The following CEP350 variants were observed in gnomAD, a reference collection of about 807,000 sequenced individuals.
CEP350 encodes the protein centrosome-associated protein 350.
In CEP350, 126 loss-of-function variants were observed where a neutral mutation model predicts 331.8. That is an observed-to-expected ratio of 0.38 (90% CI 0.33 to 0.44). The LOEUF (loss-of-function observed/expected upper bound fraction) is 0.44, where lower values mean the gene tolerates loss of function less well. CEP350 is among the 20% of genes least tolerant of loss of function. The pLI is 1.00. For synonymous variants in CEP350, 1,200 were observed against 1,259.5 expected (o/e 0.95, Z 1.00); for missense variants, 3,406 against 3,634.6 (o/e 0.94, Z 1.62).
At chr1:179,991,438 C>A (rs566798831) in intron 4 of CEP350, among the ~76,000 whole-genome samples, 2 of 149,806 alleles carry the variant, frequency 1.3e-5, no homozygotes, top group African/African-American at 4.9e-5. Flanking sequence ...TGAGTAGCCG[C>A]GCCACCGGGC....
At chr1:180,017,709 T>A (rs1333630644) in intron 11 of CEP350, among the ~76,000 whole-genome samples, 1 of 152,206 alleles carries the variant, frequency 6.6e-6, no homozygotes, top group Non-Finnish European at 1.5e-5. Context: ...AGTTTTAGCA[T>A]AACTTTATGT....
chr1:179,986,049 T>C (rs2148665113), intron 1 of CEP350, 120 bp from the exon 2 acceptor site: 1 of 736,034 alleles, frequency 1.4e-6, no homozygotes, highest in Non-Finnish European at 2.2e-6. Flanking sequence ...TGATAGTAGC[T>C]TGTCCTATTT....
chr1:179,975,683 A>G (rs545531439), intron 1 of CEP350, among the ~76,000 whole-genome samples: 2 of 152,346 alleles, frequency 1.3e-5, no homozygotes. Flanking sequence ...AATCCAATTT[A>G]TTAAGAGTAC....
intron 32 of CEP350, among the ~76,000 whole-genome samples, chr1:180,088,517 G>A (rs997750903): frequency 6.6e-6 from 1 of 151,828 alleles, no homozygotes; most frequent in African/African-American, 2.4e-5. Context: ...GCCAAATAGT[G>A]AAAACCTTGT....
At chr1:179,979,390 GTT>G (rs34642448) in intron 1 of CEP350, among the ~76,000 whole-genome samples, 6 of 129,558 alleles carry the variant, frequency 4.6e-5, no homozygotes, top group Admixed American at 7.7e-5. Context: ...TATTTGGGGT[GTT>G]TTTTTTTTTT....
chr1:180,080,104 T>C (rs1314692464), intron 29 of CEP350, among the ~76,000 whole-genome samples: 1 of 152,158 alleles, frequency 6.6e-6, no homozygotes, highest in African/African-American at 2.4e-5. Context: ...TTTTGTTCTC[T>C]TGTGGGCAAA....
chr1:179,967,570 T>G (rs1386674345), intron 1 of CEP350, among the ~76,000 whole-genome samples: 1 of 151,916 alleles, frequency 6.6e-6, no homozygotes, highest in Non-Finnish European at 1.5e-5. Flanking sequence ...CACCACCACG[T>G]CCAGCCAATT....
chr1:180,052,079 CT>C, intron 22 of CEP350: 5 of 318,410 alleles, frequency 1.6e-5, no homozygotes, highest in Non-Finnish European at 3.1e-5. Flanking sequence ...GTATGCGTAA[CT>C]ATGTGCACAC....
At chr1:180,014,851 A>G (rs1458557548) in intron 10 of CEP350, among the ~76,000 whole-genome samples, 2 of 152,234 alleles carry the variant, frequency 1.3e-5, no homozygotes, top group Non-Finnish European at 2.9e-5. Context: ...GAAAATCCAC[A>G]TATAACTTTT....
At chr1:180,049,017 A>G (rs1392117987) in intron 22 of CEP350, among the ~76,000 whole-genome samples, 1 of 152,196 alleles carries the variant, frequency 6.6e-6, no homozygotes, top group Non-Finnish European at 1.5e-5. Context: ...ACAGTGAGCT[A>G]TGATTGAGAC....
chr1:180,044,271 A>G (rs1656969428), intron 21 of CEP350, 98 bp downstream of exon 21: 2 of 1,250,386 alleles, frequency 1.6e-6, no homozygotes, highest in African/African-American at 1.5e-5. Context: ...GTTTATTTAA[A>G]TAGAACAGTG....
At chr1:180,082,274 C>T (rs1659618867) in intron 30 of CEP350, among the ~76,000 whole-genome samples, 1 of 152,154 alleles carries the variant, frequency 6.6e-6, no homozygotes, top group South Asian at 2.1e-4. Flanking sequence ...ACTACAGATT[C>T]ACTACCTATT....
At chr1:179,991,701 G>GTA (rs1181874261) in intron 4 of CEP350, among the ~76,000 whole-genome samples, 1 of 132,886 alleles carries the variant, frequency 7.5e-6, no homozygotes. Context: ...GTGTGTGTGT[G>GTA]TGTGTGTATA....
At chr1:180,027,136 A>T (rs1571887783) in intron 14 of CEP350, among the ~76,000 whole-genome samples, 2 of 152,198 alleles carry the variant, frequency 1.3e-5, no homozygotes, top group East Asian at 3.9e-4. Context: ...CTTTTTTGAT[A>T]ATAGGACATC....
At chr1:180,095,430 T>C (rs906057550) in intron 34 of CEP350, 93 bp from the exon 35 acceptor site, 106 of 1,343,552 alleles carry the variant, frequency 7.9e-5, no homozygotes, top group Non-Finnish European at 1.0e-4. Flanking sequence ...AAATATTAGA[T>C]ATATAAATAA....
At chr1:180,102,668 C>T in intron 37 of CEP350, among the ~76,000 whole-genome samples, 1 of 152,060 alleles carries the variant, frequency 6.6e-6, no homozygotes, top group African/African-American at 2.4e-5. Flanking sequence ...TTCCTTCATT[C>T]TGAGCTCGGT....
chr1:180,015,327 G>A (rs1042965730), intron 10 of CEP350, among the ~76,000 whole-genome samples: 3 of 151,894 alleles, frequency 2.0e-5, no homozygotes, highest in Non-Finnish European at 4.4e-5. Context: ...TCCGCCCCCC[G>A]GGGTTCATGC....
intron 1 of CEP350, among the ~76,000 whole-genome samples, chr1:179,973,305 T>G (rs1238167674): frequency 6.6e-6 from 1 of 152,234 alleles, no homozygotes; most frequent in East Asian, 1.9e-4. Flanking sequence ...ACATTTTTTG[T>G]GAGGTTGAAG....
Position 179,987,246 on chromosome 1 carries a change from T to G in CEP350, c.80T>G (p.Ile27Arg), listed in dbSNP as rs375252947. Residue 27 changes from isoleucine to arginine, a missense_variant, in exon 3 of 38, where the codon ATA becomes AGA. Around this residue, in one of 5 missense-constraint regions of CEP350, gnomAD observed 1,857 missense variants for 1,909.2 expected, o/e 0.97. Coordinates refer to ENST00000367607, the MANE Select transcript of CEP350 (RefSeq NM_014810.5). ...ATATCATTTTTTTTCCCAGCAGATA[T>G]AACCACATCGTGGGATGCACTTTCT... Reference protein sequence around the residue: ...SQSKDTVQADITTSWDALSQT... With the variant: ...SQSKDTVQADRTTSWDALSQT... 15 of 1,541,130 alleles carry G rather than the reference T, an allele frequency of 9.7e-6. No individual in the cohort carries two copies. The African/African-American group carries it at 1.9e-4, about 20-fold the overall frequency.
Sources: allele counts gnomAD v4.1 joint callset (sites outside exome capture counted in the v4.1 genomes callset), GRCh38; gene constraint gnomAD v4.1.1; regional missense constraint gnomAD v4.1.1; transcripts MANE v1.5; gene names NCBI Gene and HGNC (gene_info 2026-07-23, HGNC 2026-07-21).